PRKN: variants seen among roughly 807,000 people sequenced by gnomAD.
The protein encoded by PRKN is parkin RBR E3 ubiquitin protein ligase.
PRKN carries 56 observed loss-of-function variants against 59.5 expected under a neutral mutation model. That is an observed-to-expected ratio of 0.94 (90% CI 0.76 to 1.18). The LOEUF (loss-of-function observed/expected upper bound fraction) is 1.18. Ranked by LOEUF, PRKN falls within the 50% of genes most tolerant of loss-of-function variation. The probability of loss-of-function intolerance (pLI) is 0.00; values close to 1 mark genes in which losing one functional copy is unlikely to be tolerated. For synonymous variants in PRKN, 250 were observed against 222.1 expected, an observed-to-expected ratio of 1.13 and a Z score of -1.12; for missense variants, 657 against 596.4, an observed-to-expected ratio of 1.10 and a Z score of -1.06.
intron 6 of PRKN, among the ~76,000 whole-genome samples, chr6:161,906,829 T>C (rs931522086): frequency 2.6e-5 from 4 of 151,916 alleles, no homozygotes; most frequent in South Asian, 2.1e-4. Flanking sequence ...GCTGAAGAAC[T>C]TGGAGTCTGA....
intron 2 of PRKN, among the ~76,000 whole-genome samples, chr6:162,305,618 C>T (rs1476752997): frequency 6.6e-6 from 1 of 152,026 alleles, no homozygotes; most frequent in African/African-American, 2.4e-5. Context: ...GCATGACATT[C>T]TTATAAGAAA....
chr6:161,857,154 G>A (rs918134436), intron 6 of PRKN, among the ~76,000 whole-genome samples: 6 of 152,110 alleles, frequency 3.9e-5, no homozygotes, highest in Non-Finnish European at 5.9e-5. Flanking sequence ...GCTTGAGCCC[G>A]GGAGGCAGAA....
At chr6:161,947,659 A>T (rs937512254) in intron 6 of PRKN, among the ~76,000 whole-genome samples, 8 of 152,230 alleles carry the variant, frequency 5.3e-5, no homozygotes, top group African/African-American at 1.9e-4. Flanking sequence ...CGCAAGAAAG[A>T]AAGTTCCTTT....
intron 2 of PRKN, among the ~76,000 whole-genome samples, chr6:162,363,131 C>CAA (rs34722234): frequency 8.1e-5 from 8 of 98,390 alleles, no homozygotes; most frequent in Admixed American, 3.4e-4. Flanking sequence ...CCTTCTCAAA[C>CAA]AAAAAAAAAA....
intron 3 of PRKN, among the ~76,000 whole-genome samples, chr6:162,226,063 T>TTAA (rs746613563): frequency 0.025 from 3,486 of 141,178 alleles, 69 homozygotes; most frequent in Admixed American, 0.04. Flanking sequence ...ATCAATAAGT[T>TTAA]TAATAATAAT....
At chr6:162,383,153 C>T (rs1483675609) in intron 2 of PRKN, among the ~76,000 whole-genome samples, 1 of 152,130 alleles carries the variant, frequency 6.6e-6, no homozygotes, top group Non-Finnish European at 1.5e-5. Context: ...ATATTTTGAC[C>T]TCTTCCCATG....
In PRKN at chr6:161,567,750, G is replaced by A. The variant is rs143134969; in HGVS notation, c.933+1605C>T. Reference sequence around the variant, plus strand: ...AGATCTGAGGAGATGATTACTGTTGGCTTCTTTCCTTACTAATTACCCATG... The same window carrying A: ...AGATCTGAGGAGATGATTACTGTTGACTTCTTTCCTTACTAATTACCCATG... On this transcript the variant is annotated intron_variant, in intron 8 of 11. Transcript: ENST00000366898. Among the ~76,000 whole-genome samples the A allele has an allele frequency of 6.2e-3, 950 of 152,230 alleles. 11 individuals are homozygous for A. Among genetic ancestry groups the A allele is most frequent in the African/African-American group, 0.021 (882 of 41,532 alleles).
intron 9 of PRKN, among the ~76,000 whole-genome samples, chr6:161,537,607 A>G (rs1245258611): frequency 1.3e-5 from 2 of 151,878 alleles, no homozygotes; most frequent in South Asian, 2.1e-4. Context: ...ACCCGCCACC[A>G]TGCTCGGCTA....
intron 9 of PRKN, among the ~76,000 whole-genome samples, chr6:161,486,380 T>C (rs886475878): frequency 2.0e-5 from 3 of 152,236 alleles, no homozygotes; most frequent in Non-Finnish European, 2.9e-5. Context: ...TGTTTCTAAA[T>C]AGTCTATGAT....
At chr6:162,475,622 C>T (rs553451463) in intron 1 of PRKN, among the ~76,000 whole-genome samples, 2 of 152,192 alleles carry the variant, frequency 1.3e-5, no homozygotes, top group Non-Finnish European at 1.5e-5. Flanking sequence ...TGTGAGTGTA[C>T]GTGTGCAAAT....
chr6:162,698,721 T>C (rs1778053822), intron 1 of PRKN, among the ~76,000 whole-genome samples: 1 of 152,240 alleles, frequency 6.6e-6, no homozygotes, highest in African/African-American at 2.4e-5. Context: ...CTGCTTCTCT[T>C]CACAATCCAG....
At chr6:162,028,991 G>T (rs1326200932) in intron 5 of PRKN, among the ~76,000 whole-genome samples, 1 of 152,166 alleles carries the variant, frequency 6.6e-6, no homozygotes, top group Non-Finnish European at 1.5e-5. Context: ...AGGATGGAAT[G>T]TACCAGAAAT....
intron 1 of PRKN, among the ~76,000 whole-genome samples, chr6:162,650,667 A>G (rs1326426711): frequency 1.3e-5 from 2 of 152,136 alleles, no homozygotes; most frequent in Non-Finnish European, 2.9e-5. Flanking sequence ...ACAGTCTACA[A>G]AGTATACAGA....
chr6:162,581,239 C>G lies in PRKN; in HGVS notation c.8-137766G>C, dbSNP rs551352977. Reference sequence around the variant, plus strand: ...GAAGGTCAAAAGAGACAGTTAGATTCATTCATAAGCAATTTACTTTTCAGG... The same window carrying G: ...GAAGGTCAAAAGAGACAGTTAGATTGATTCATAAGCAATTTACTTTTCAGG... On this transcript the variant is annotated intron_variant, in intron 1 of 11. Transcript: ENST00000366898. Among the ~76,000 whole-genome samples the G allele has an allele frequency of 7.9e-5, 12 of 152,312 alleles. No individual in the cohort carries two copies. In the South Asian group the frequency reaches 2.5e-3, roughly 32 times the overall value.
chr6:161,949,861 G>C (rs574089801), intron 6 of PRKN, among the ~76,000 whole-genome samples: 1 of 152,322 alleles, frequency 6.6e-6, no homozygotes, highest in African/African-American at 2.4e-5. Context: ...GCATGCCCCT[G>C]GCTGTCCAGG....
At chr6:162,310,653 G>C (rs1782461387) in intron 2 of PRKN, among the ~76,000 whole-genome samples, 1 of 151,844 alleles carries the variant, frequency 6.6e-6, no homozygotes, top group Non-Finnish European at 1.5e-5. Flanking sequence ...TAAATGATGA[G>C]TTAATGGGTG....
chr6:161,599,960 G>A (rs1166857039), intron 7 of PRKN, among the ~76,000 whole-genome samples: 1 of 152,110 alleles, frequency 6.6e-6, no homozygotes, highest in East Asian at 1.9e-4. Context: ...AGACCCAATG[G>A]TGCAATTTTC....
In PRKN at chr6:161,407,509, T is replaced by C. The variant is rs1444427638; in HGVS notation, c.1084-20632A>G. ...AAAGAAAAGCTCCATCATACTACCA[T>C]TGTAAACATCCACATCAATTTACAA... On this transcript the variant is annotated intron_variant, in intron 9 of 11. Coordinates refer to ENST00000366898, the MANE Select transcript of PRKN (RefSeq NM_004562.3). This position sits in a 1 kb window ranked among gnomAD's most constrained non-coding sequence, Gnocchi z 4.9. 1.3e-5 allele frequency among the ~76,000 whole-genome samples: 2 copies of C among 152,134 alleles called. No individual in the cohort carries two copies. Among genetic ancestry groups the C allele is most frequent in the Non-Finnish European group, 2.9e-5 (2 of 68,038 alleles).
chr6:162,142,211 G>A (rs977335310), intron 4 of PRKN, among the ~76,000 whole-genome samples: 5 of 152,118 alleles, frequency 3.3e-5, no homozygotes, highest in Non-Finnish European at 5.9e-5. Flanking sequence ...TATTATACTG[G>A]CTAAATGTAC....
Sources: gnomAD v4.1 joint callset for allele counts (sites outside exome capture counted in the v4.1 genomes callset) on GRCh38, gnomAD v4.1.1 for gene constraint, Gnocchi (gnomAD v3.1) non-coding constraint, MANE v1.5 for transcripts, NCBI Gene and HGNC (gene_info 2026-07-23, HGNC 2026-07-21) for gene names.